TEK: variants seen among roughly 807,000 people sequenced by gnomAD.
The protein encoded by TEK is TEK receptor tyrosine kinase, also known as angiopoietin-1 receptor.
TEK carries 43 observed loss-of-function variants against 131.8 expected under a neutral mutation model. The ratio of observed to expected loss-of-function variants is 0.33; its 90% confidence interval spans 0.26 to 0.42. The LOEUF (loss-of-function observed/expected upper bound fraction) is 0.42, where lower values mean the gene tolerates loss of function less well. TEK is among the 10% of genes least tolerant of loss of function. The pLI is 1.00. For synonymous variants in TEK, 580 were observed against 491.6 expected, an observed-to-expected ratio of 1.18 and a Z score of -2.38; for missense variants, 1,162 against 1,384.4, an observed-to-expected ratio of 0.84 and a Z score of 2.55.
At chr9:27,209,295 A>AATT in intron 16 of TEK, 64 bp downstream of exon 16, 3 of 1,136,442 alleles carry the variant, frequency 2.6e-6, no homozygotes, top group Non-Finnish European at 4.0e-6. Flanking sequence ...TTCCATATGG[A>AATT]TATAAGGAAA....
At chr9:27,194,711 GTC>G (rs1347447147) in intron 11 of TEK, among the ~76,000 whole-genome samples, 4 of 152,166 alleles carry the variant, frequency 2.6e-5, no homozygotes, top group Non-Finnish European at 5.9e-5. Flanking sequence ...CAGCCAGGAG[GTC>G]TCTCAGAATA....
At chr9:27,121,514 A>G (rs1284254463) in intron 1 of TEK, among the ~76,000 whole-genome samples, 1 of 149,588 alleles carries the variant, frequency 6.7e-6, no homozygotes, top group East Asian at 1.9e-4. Context: ...TTGTATACAT[A>G]TGTATTTTTA....
chr9:27,136,939 T>G (rs1489492479), intron 1 of TEK, among the ~76,000 whole-genome samples: 1 of 152,170 alleles, frequency 6.6e-6, no homozygotes, highest in African/African-American at 2.4e-5. Context: ...ATTTTTGAAA[T>G]GGAGTCTCGC....
At chr9:27,159,901 G>A (rs1055774335) in intron 2 of TEK, among the ~76,000 whole-genome samples, 6 of 150,384 alleles carry the variant, frequency 4.0e-5, no homozygotes, top group African/African-American at 1.5e-4. Flanking sequence ...CTGGGCTGCT[G>A]ATTCCTAAAA....
intron 21 of TEK, among the ~76,000 whole-genome samples, chr9:27,220,487 T>C (rs201400332): frequency 1.2e-4 from 15 of 120,946 alleles, no homozygotes; most frequent in Non-Finnish European, 2.3e-4. Context: ...TTAAGATTAA[T>C]TAAGAAGGAT....
chr9:27,109,650 T>C lies in TEK; in HGVS notation c.52+8T>C. 1 of 1,613,960 alleles carries C rather than the reference T, an allele frequency of 6.2e-7. No individual in the cohort carries two copies. ...TCAGCTTGCTCCTTTCTGGTAAGGT[T>C]TGGCTTTATTTTTTTTAATTTAGTA... On this transcript the variant is annotated splice_region_variant and intron_variant, in intron 1 of 22. Transcript: ENST00000380036.
chr9:27,166,480 A>G (rs1339258818), intron 2 of TEK, among the ~76,000 whole-genome samples: 1 of 152,206 alleles, frequency 6.6e-6, no homozygotes, highest in Non-Finnish European at 1.5e-5. Context: ...TGTTAGATGC[A>G]TATATAATTT....
chr9:27,135,139 G>A (rs1437488470), intron 1 of TEK, among the ~76,000 whole-genome samples: 3 of 151,862 alleles, frequency 2.0e-5, no homozygotes, highest in East Asian at 1.9e-4. Context: ...CAGGAGAATC[G>A]CTTGAACCCA....
At chr9:27,168,351 A>T (rs1823816874) in intron 2 of TEK, 144 bp from the exon 3 acceptor site, 1 of 689,878 alleles carries the variant, frequency 1.4e-6, no homozygotes, top group African/African-American at 1.8e-5. Context: ...GTTAAAACGC[A>T]TTAGCCACCA....
chr9:27,212,733 G>T lies in TEK; in HGVS notation c.2713G>T (p.Ala905Ser). 1 of 1,614,058 alleles carries T rather than the reference G, an allele frequency of 6.2e-7. No individual in the cohort carries two copies. Among genetic ancestry groups the T allele is most frequent in the Non-Finnish European group, 8.5e-7 (1 of 1,180,004 alleles). ...RGYLYLAIEYAPHGNLLDFLR... is the reference protein window; with the variant it reads ...RGYLYLAIEYSPHGNLLDFLR... Reference sequence around the variant, plus strand: ...CTACTTGTACCTGGCCATTGAGTACGCGCCCCATGGAAACCTTCTGGACTT... The same window carrying T: ...CTACTTGTACCTGGCCATTGAGTACTCGCCCCATGGAAACCTTCTGGACTT... Residue 905 changes from alanine (A) to serine (S), a missense_variant, in exon 17 of 23, where the codon GCG becomes TCG. Physicochemically the swap from Ala to Ser is moderately conservative, Grantham distance 99. Coordinates refer to ENST00000380036, the MANE Select transcript of TEK (RefSeq NM_000459.5).
At chr9:27,131,916 G>A (rs138377451) in intron 1 of TEK, among the ~76,000 whole-genome samples, 167 of 152,156 alleles carry the variant, frequency 1.1e-3, no homozygotes, top group Non-Finnish European at 2.2e-3. Context: ...GTCAGCAAGG[G>A]TTAAAATGTT....
chr9:27,116,014 T>C (rs902941958), intron 1 of TEK, among the ~76,000 whole-genome samples: 3 of 152,230 alleles, frequency 2.0e-5, no homozygotes, highest in African/African-American at 7.2e-5. Context: ...TGGATTAACA[T>C]GGTAGAGACC....
At chr9:27,213,752 A>C (rs1024991057) in intron 18 of TEK, among the ~76,000 whole-genome samples, 155 bp downstream of exon 18, 3 of 152,170 alleles carry the variant, frequency 2.0e-5, no homozygotes, top group Admixed American at 1.3e-4. Context: ...TTCTTTCTAA[A>C]TGTTGGTTCC....
chr9:27,164,429 C>T (rs974072651), intron 2 of TEK, among the ~76,000 whole-genome samples: 1 of 151,572 alleles, frequency 6.6e-6, no homozygotes, highest in African/African-American at 2.4e-5. Context: ...ACGCCATTCT[C>T]CTGCCTAAGC....
intron 11 of TEK, among the ~76,000 whole-genome samples, chr9:27,196,147 T>C (rs1042254068): frequency 6.6e-6 from 1 of 152,190 alleles, no homozygotes; most frequent in Non-Finnish European, 1.5e-5. Flanking sequence ...CCTTGGCAAA[T>C]CTACTGTTTT....
In TEK at chr9:27,205,754, G is replaced by A. The variant is rs780504073; in HGVS notation, c.2364+689G>A. On this transcript the variant is annotated intron_variant, in intron 14 of 22. Coordinates refer to ENST00000380036, the MANE Select transcript of TEK (RefSeq NM_000459.5). The stretch of plus-strand genomic sequence containing the variant: ...GCCTGAAAATGTATCTAGTTTGTGG[G>A]TTCAGGCCCTGTAAAATTAATTTGA... Among the ~76,000 whole-genome samples the A allele has an allele frequency of 1.1e-4, 16 of 152,054 alleles. 1 individual carries two copies. Among genetic ancestry groups the A allele is most frequent in the Non-Finnish European group, 1.9e-4 (13 of 68,006 alleles).
Position 27,109,567 on chromosome 9 carries a change from C to T in TEK, c.-24C>T. The T allele has an allele frequency of 1.2e-6, 2 of 1,613,990 alleles. No homozygotes were observed. Among genetic ancestry groups the T allele is most frequent in the East Asian group, 2.2e-5 (1 of 44,882 alleles). On this transcript the variant is annotated 5_prime_UTR_variant, in exon 1 of 23. Coordinates refer to ENST00000380036, the MANE Select transcript of TEK (RefSeq NM_000459.5). ...GGGACCTCATGCACATTTGTGGAAA[C>T]TGGATGGAGAGATTTGGGGAAGCAT...
intron 1 of TEK, among the ~76,000 whole-genome samples, chr9:27,141,366 T>G (rs1822716843): frequency 6.6e-6 from 1 of 152,150 alleles, no homozygotes; most frequent in East Asian, 1.9e-4. Context: ...AACCTGTACT[T>G]CTCTATTTCT....
chr9:27,215,603 T>TATA (rs1825796162), intron 18 of TEK, among the ~76,000 whole-genome samples: 1 of 151,056 alleles, frequency 6.6e-6, no homozygotes, highest in African/African-American at 2.4e-5. Flanking sequence ...ATTTTAATAC[T>TATA]GGAAGTATTA....
Sources: gnomAD v4.1 joint callset for allele counts (sites outside exome capture counted in the v4.1 genomes callset) on GRCh38, gnomAD v4.1.1 for gene constraint, MANE v1.5 for transcripts, NCBI Gene and HGNC (gene_info 2026-07-23, HGNC 2026-07-21) for gene names.